HECW2: variants seen among roughly 807,000 people sequenced by gnomAD.
The protein encoded by HECW2 is HECT, C2 and WW domain containing E3 ubiquitin protein ligase 2.
Under a neutral mutation model 175.2 loss-of-function variants are expected in HECW2, and 61 were observed. That is an observed-to-expected ratio of 0.35 (90% CI 0.28 to 0.43). HECW2 has a LOEUF of 0.43. Among genes scored for constraint, HECW2 ranks in the 20% least tolerant of loss-of-function variants. The pLI is 1.00. For missense variants in HECW2, 1,524 were observed against 2,000.5 expected, an observed-to-expected ratio of 0.76 and a Z score of 4.54; for synonymous variants, 671 against 731.0, an observed-to-expected ratio of 0.92 and a Z score of 1.32.
chr2:196,304,093 C>G (rs1348988628), intron 13 of HECW2, among the ~76,000 whole-genome samples: 1 of 152,178 alleles, frequency 6.6e-6, no homozygotes, highest in South Asian at 2.1e-4. Flanking sequence ...ATAGAAAACC[C>G]TTTCAGAATA....
At chr2:196,551,011 A>G (rs912858809) in intron 1 of HECW2, among the ~76,000 whole-genome samples, 4 of 152,250 alleles carry the variant, frequency 2.6e-5, no homozygotes, top group Admixed American at 2.6e-4. Flanking sequence ...GCATGTACAC[A>G]AGACAGTGCC....
chr2:196,310,159 AC>A (rs2105723000), intron 10 of HECW2, among the ~76,000 whole-genome samples: 1 of 152,380 alleles, frequency 6.6e-6, no homozygotes, highest in South Asian at 2.1e-4. Context: ...TTCATCTTCT[AC>A]AAAGGCCAGT....
chr2:196,503,942 C>T (rs1687660566), intron 1 of HECW2, among the ~76,000 whole-genome samples: 1 of 152,148 alleles, frequency 6.6e-6, no homozygotes, highest in Admixed American at 6.5e-5. Context: ...GGGACTCCCA[C>T]TGTCAAATCC....
chr2:196,578,917 T>C (rs1366747581), intron 1 of HECW2, among the ~76,000 whole-genome samples: 10 of 151,754 alleles, frequency 6.6e-5, no homozygotes, highest in African/African-American at 1.9e-4. Context: ...AAATAGAGTA[T>C]TGGTAAAGCT....
intron 1 of HECW2, among the ~76,000 whole-genome samples, chr2:196,565,465 C>CT (rs1690153700): frequency 6.6e-6 from 1 of 152,100 alleles, no homozygotes. Flanking sequence ...CCCATATGTC[C>CT]TTTGAAAGTG....
chr2:196,233,997 A>G (rs147876648), intron 21 of HECW2, among the ~76,000 whole-genome samples: 1 of 152,324 alleles, frequency 6.6e-6, no homozygotes, highest in East Asian at 1.9e-4. Context: ...TATTACAGGA[A>G]GTTCTTAAAC....
At chr2:196,545,361 A>G (rs183124849) in intron 1 of HECW2, among the ~76,000 whole-genome samples, 8 of 152,290 alleles carry the variant, frequency 5.3e-5, no homozygotes, top group East Asian at 1.9e-4. Context: ...ACTGAGGGCC[A>G]TATCAAAGAG....
intron 19 of HECW2, among the ~76,000 whole-genome samples, chr2:196,246,927 C>T (rs1316235230): frequency 6.6e-6 from 1 of 152,090 alleles, no homozygotes; most frequent in Admixed American, 6.6e-5. Flanking sequence ...GCTCATAGTT[C>T]CATCATGAAA....
chr2:196,503,975 G>A (rs1687661432), intron 1 of HECW2, among the ~76,000 whole-genome samples: 1 of 152,066 alleles, frequency 6.6e-6, no homozygotes, highest in Non-Finnish European at 1.5e-5. Context: ...TGTAATTTGG[G>A]AGCATCCAAC....
At chr2:196,222,930 T>C (rs1487498880) in intron 23 of HECW2, among the ~76,000 whole-genome samples, 3 of 152,320 alleles carry the variant, frequency 2.0e-5, no homozygotes, top group African/African-American at 7.2e-5. Context: ...TCTGTATTTT[T>C]CCCCCACTTT....
chr2:196,341,719 T>C (rs1255048671), intron 3 of HECW2, among the ~76,000 whole-genome samples: 1 of 152,202 alleles, frequency 6.6e-6, no homozygotes, highest in Non-Finnish European at 1.5e-5. Flanking sequence ...TTTTAAGGCC[T>C]AAGAGAGAAT....
chr2:196,296,919 G>A (rs897275367), intron 13 of HECW2, among the ~76,000 whole-genome samples: 1 of 152,092 alleles, frequency 6.6e-6, no homozygotes, highest in Non-Finnish European at 1.5e-5. Flanking sequence ...GTTCTCCTGG[G>A]GTTTAGTGGT....
At chr2:196,245,636 T>C (rs138708505) in intron 19 of HECW2, among the ~76,000 whole-genome samples, 2,751 of 152,298 alleles carry the variant, frequency 0.018, 40 homozygotes, top group Middle Eastern at 0.037. Context: ...TTAGCTGTTG[T>C]TATCTGCATA....
At chr2:196,248,631 C>CAG (rs1553636705) in intron 19 of HECW2, among the ~76,000 whole-genome samples, 74 of 148,494 alleles carry the variant, frequency 5.0e-4, no homozygotes, top group Admixed American at 8.0e-4. Flanking sequence ...CACACACACA[C>CAG]AGAGAGAGAC....
intron 1 of HECW2, among the ~76,000 whole-genome samples, chr2:196,543,729 C>T (rs1374030141): frequency 6.6e-6 from 1 of 152,216 alleles, no homozygotes; most frequent in Non-Finnish European, 1.5e-5. Context: ...TCTCCTGCCT[C>T]AGCCTCCCGA....
chr2:196,269,115 T>G (rs1689628989), intron 17 of HECW2, among the ~76,000 whole-genome samples: 2 of 152,214 alleles, frequency 1.3e-5, no homozygotes, highest in South Asian at 4.1e-4. Context: ...ATATACACAG[T>G]GTTTATAGTA....
At chr2:196,216,407 G>A (rs182482907) in intron 27 of HECW2, among the ~76,000 whole-genome samples, 152 of 152,112 alleles carry the variant, frequency 1.0e-3, no homozygotes, top group Admixed American at 2.2e-3. Flanking sequence ...AAGGAGCTAA[G>A]ATCCAAAGGA....
intron 2 of HECW2, among the ~76,000 whole-genome samples, chr2:196,406,741 T>C (rs981773014): frequency 1.3e-5 from 2 of 152,224 alleles, no homozygotes; most frequent in Non-Finnish European, 2.9e-5. Flanking sequence ...AGCTCGTTCC[T>C]GCTTAGGGCC....
intron 1 of HECW2, among the ~76,000 whole-genome samples, chr2:196,560,207 G>A (rs111946198): frequency 1.6e-3 from 250 of 152,214 alleles, no homozygotes; most frequent in Non-Finnish European, 2.8e-3. Context: ...GTGCAATGGC[G>A]CGATCTCGGC....
Sources: allele counts gnomAD v4.1 joint callset (sites outside exome capture counted in the v4.1 genomes callset), GRCh38; gene constraint gnomAD v4.1.1; transcripts MANE v1.5; gene names NCBI Gene and HGNC (gene_info 2026-07-23, HGNC 2026-07-21).